The following CPNE4 variants were observed in gnomAD, a reference collection of about 807,000 sequenced individuals.
The protein encoded by CPNE4 is copine 4.
Under a neutral mutation model 67.9 loss-of-function variants are expected in CPNE4, and 25 were observed. That is an observed-to-expected ratio of 0.37 (90% CI 0.27 to 0.51). The LOEUF (loss-of-function observed/expected upper bound fraction) is 0.51. Ranked by LOEUF, CPNE4 falls within the 20% of genes least tolerant of loss-of-function variation. The pLI is 0.93. For synonymous variants in CPNE4, 242 were observed against 244.9 expected, an observed-to-expected ratio of 0.99 and a Z score of 0.11; for missense variants, 464 against 690.8, an observed-to-expected ratio of 0.67 and a Z score of 3.68.
intron 2 of CPNE4, among the ~76,000 whole-genome samples, chr3:131,752,638 T>C (rs555501234): frequency 6.6e-6 from 1 of 152,144 alleles, no homozygotes; most frequent in South Asian, 2.1e-4. Context: ...TTTAGTGAGA[T>C]GAATGGGGAA....
rs76893543 is a variant in CPNE4, at chr3:131,919,508, T to C, written c.-1-14064A>G. ...TGAAGTTGAAAACCAGGCCAAATGATAAAGGCAGAACAATGGTTACCTTTT... is the reference window on the plus strand; with the variant it reads ...TGAAGTTGAAAACCAGGCCAAATGACAAAGGCAGAACAATGGTTACCTTTT... On this transcript the variant is annotated intron_variant, in intron 1 of 15. Coordinates refer to ENST00000429747, the MANE Select transcript of CPNE4 (RefSeq NM_130808.3). Among the ~76,000 whole-genome samples the C allele has an allele frequency of 2.9e-3, 449 of 152,300 alleles. 4 individuals carry two copies. Among genetic ancestry groups the C allele is most frequent in the Admixed American group, 0.02 (300 of 15,286 alleles).
chr3:131,575,041 A>G (rs1488831528), intron 10 of CPNE4, 30 bp downstream of exon 10: 14 of 1,586,940 alleles, frequency 8.8e-6, no homozygotes, highest in Non-Finnish European at 1.1e-5. Flanking sequence ...CCTGAATAAG[A>G]ATCAAGGAAT....
chr3:131,814,987 G>A (rs935150175), intron 2 of CPNE4, among the ~76,000 whole-genome samples: 1 of 152,154 alleles, frequency 6.6e-6, no homozygotes, highest in African/African-American at 2.4e-5. Flanking sequence ...ATCAAGAAGA[G>A]TTCTAAAGGA....
At chr3:131,670,262 G>T (rs1480018052) in intron 6 of CPNE4, among the ~76,000 whole-genome samples, 1 of 152,170 alleles carries the variant, frequency 6.6e-6, no homozygotes, top group Admixed American at 6.5e-5. Flanking sequence ...CAGATTGCAA[G>T]TCAGAAGAGA....
chr3:131,994,422 C>T (rs1446022760), intron 1 of CPNE4, among the ~76,000 whole-genome samples: 1 of 128,616 alleles, frequency 7.8e-6, no homozygotes. Context: ...GGTTCATGGA[C>T]CAGCAGGAGC....
intron 1 of CPNE4, among the ~76,000 whole-genome samples, chr3:131,921,312 T>C (rs2070734632): frequency 1.3e-5 from 2 of 152,180 alleles, no homozygotes; most frequent in Admixed American, 6.6e-5. Flanking sequence ...AAGTAGCAAA[T>C]AAGTTTCACA....
At chr3:131,629,234 G>A (rs772985437) in intron 7 of CPNE4, among the ~76,000 whole-genome samples, 4 of 152,120 alleles carry the variant, frequency 2.6e-5, no homozygotes, top group Non-Finnish European at 4.4e-5. Flanking sequence ...CCCACAACAC[G>A]TAGGAATTCT....
intron 1 of CPNE4, among the ~76,000 whole-genome samples, chr3:131,917,466 C>T (rs1052737968): frequency 1.3e-5 from 2 of 152,004 alleles, no homozygotes; most frequent in African/African-American, 4.8e-5. Context: ...TTGAGTGATG[C>T]TTTGGGGAGG....
At chr3:131,749,653 A>G (rs1293380634) in intron 2 of CPNE4, among the ~76,000 whole-genome samples, 9 of 152,128 alleles carry the variant, frequency 5.9e-5, no homozygotes, top group Non-Finnish European at 1.2e-4. Context: ...ATACACATTT[A>G]AGATTGTTAT....
intron 7 of CPNE4, among the ~76,000 whole-genome samples, chr3:131,659,948 G>A (rs1502674): frequency 0.054 from 7,971 of 146,630 alleles, 685 homozygotes; most frequent in East Asian, 0.36. Flanking sequence ...CAGGAAGAAG[G>A]CTTTTTCTAA....
At chr3:131,882,673 T>C (rs1229900182) in intron 2 of CPNE4, among the ~76,000 whole-genome samples, 1 of 152,150 alleles carries the variant, frequency 6.6e-6, no homozygotes, top group Non-Finnish European at 1.5e-5. Context: ...GTACTTTTAT[T>C]GTTCTCATTA....
intron 1 of CPNE4, among the ~76,000 whole-genome samples, chr3:131,998,719 G>A (rs1026590741): frequency 1.3e-4 from 20 of 151,984 alleles, no homozygotes; most frequent in Admixed American, 2.0e-4. Flanking sequence ...ATACAGAAAT[G>A]AAAAGATGGG....
At chr3:131,852,014 C>T (rs2086259873) in intron 2 of CPNE4, among the ~76,000 whole-genome samples, 1 of 152,156 alleles carries the variant, frequency 6.6e-6, no homozygotes, top group South Asian at 2.1e-4. Context: ...AAGCTGTAGG[C>T]ACTCTGACTT....
At position 131,924,093 on chromosome 3, in the gene CPNE4, C is replaced by T. The variant is rs570791346; in HGVS notation, c.-1-18649G>A. ...TACTTGCAGGGTCTTCCAGACATTA[C>T]GTGTCCCCTGGGGACTCATCAAGGA... is the stretch of plus-strand genomic sequence containing the variant. On this transcript the variant is annotated intron_variant, in intron 1 of 15. Coordinates refer to ENST00000429747, the MANE Select transcript of CPNE4 (RefSeq NM_130808.3). 1.1e-4 allele frequency among the ~76,000 whole-genome samples: 16 copies of T among 152,288 alleles called. No individual in the cohort carries two copies. The South Asian group carries it at 1.2e-3, about 12-fold the overall frequency.
At chr3:131,863,410 A>G (rs1031278533) in intron 2 of CPNE4, among the ~76,000 whole-genome samples, 8 of 152,272 alleles carry the variant, frequency 5.3e-5, no homozygotes, top group Non-Finnish European at 8.8e-5. Context: ...TCTAACTGGT[A>G]TGAGATGGTA....
chr3:131,945,463 T>G (rs533237388), intron 1 of CPNE4, among the ~76,000 whole-genome samples: 87 of 152,298 alleles, frequency 5.7e-4, no homozygotes, highest in South Asian at 4.1e-3. Flanking sequence ...AATGACAGAA[T>G]AGTTTGGGAA....
At chr3:131,711,535 C>T (rs188479007) in intron 3 of CPNE4, among the ~76,000 whole-genome samples, 35 of 152,254 alleles carry the variant, frequency 2.3e-4, no homozygotes, top group Non-Finnish European at 4.9e-4. Context: ...AATCAGCCCA[C>T]CCTGGGCTTA....
chr3:131,699,294 A>G (rs1175921799), intron 4 of CPNE4, among the ~76,000 whole-genome samples: 1 of 152,198 alleles, frequency 6.6e-6, no homozygotes, highest in African/African-American at 2.4e-5. Context: ...ACTTGTAACT[A>G]TTGAGCACTG....
intron 1 of CPNE4, among the ~76,000 whole-genome samples, chr3:131,961,058 C>T (rs2107920421): frequency 6.6e-6 from 1 of 152,284 alleles, no homozygotes; most frequent in East Asian, 1.9e-4. Flanking sequence ...AAAGGTTTCT[C>T]TAAGACCACA....
Sources: allele counts gnomAD v4.1 joint callset (sites outside exome capture counted in the v4.1 genomes callset), GRCh38; gene constraint gnomAD v4.1.1; transcripts MANE v1.5; gene names NCBI Gene and HGNC (gene_info 2026-07-23, HGNC 2026-07-21).